The following KCNIP1 variants were observed in gnomAD, a reference collection of about 807,000 sequenced individuals.
The protein encoded by KCNIP1 is A-type potassium channel modulatory protein KCNIP1.
Under a neutral mutation model 33.0 loss-of-function variants are expected in KCNIP1, and 18 were observed. The observed-to-expected ratio is 0.55, with a 90% CI of 0.38 to 0.81. The LOEUF (loss-of-function observed/expected upper bound fraction) is 0.81, where lower values mean the gene tolerates loss of function less well. Ranked by LOEUF, KCNIP1 falls within the 30% of genes least tolerant of loss-of-function variation. KCNIP1 has a pLI of 0.00. For missense variants in KCNIP1, 238 were observed against 271.6 expected, an observed-to-expected ratio of 0.88 and a Z score of 0.87; for synonymous variants, 93 against 98.3, an observed-to-expected ratio of 0.95 and a Z score of 0.32.
intron 1 of KCNIP1, among the ~76,000 whole-genome samples, chr5:170,410,422 C>G (rs1490881864): frequency 1.3e-5 from 2 of 152,238 alleles, no homozygotes; most frequent in African/African-American, 4.8e-5. Flanking sequence ...TGCACCGGGT[C>G]CCCCACACAG....
intron 1 of KCNIP1, among the ~76,000 whole-genome samples, chr5:170,411,769 G>C (rs76019446): frequency 0.015 from 2,307 of 152,288 alleles, 35 homozygotes; most frequent in East Asian, 0.069. Flanking sequence ...TCTAGCTGGA[G>C]AGATGAAACA....
At chr5:170,588,032 AAGGACC>A (rs1758065288) in intron 1 of KCNIP1, among the ~76,000 whole-genome samples, 1 of 152,232 alleles carries the variant, frequency 6.6e-6, no homozygotes, top group Non-Finnish European at 1.5e-5. Context: ...TTCATGGGTT[AAGGACC>A]TGTTACTTTG....
chr5:170,396,071 C>T (rs1230122768), intron 1 of KCNIP1, among the ~76,000 whole-genome samples: 1 of 152,212 alleles, frequency 6.6e-6, no homozygotes, highest in African/African-American at 2.4e-5. Context: ...CACATCAGGG[C>T]TTTTGTCTTT....
At chr5:170,669,499 A>G in intron 1 of KCNIP1, 1 of 984,298 alleles carries the variant, frequency 1.0e-6, no homozygotes, top group South Asian at 4.7e-5. Context: ...CTTTCCCCAG[A>G]ACTACCTTAA....
At chr5:170,387,741 G>T (rs1764535639) in intron 1 of KCNIP1, among the ~76,000 whole-genome samples, 2 of 152,140 alleles carry the variant, frequency 1.3e-5, no homozygotes, top group Non-Finnish European at 2.9e-5. Context: ...TTTTCTACCT[G>T]GCGTCAGTTG....
intron 1 of KCNIP1, among the ~76,000 whole-genome samples, chr5:170,687,431 C>T (rs1422798283): frequency 1.3e-5 from 2 of 152,178 alleles, no homozygotes; most frequent in Non-Finnish European, 1.5e-5. Context: ...CCACGCACTT[C>T]GGCCTCCCAA....
At chr5:170,728,855 A>T (rs1196039640) in intron 5 of KCNIP1, among the ~76,000 whole-genome samples, 1 of 152,130 alleles carries the variant, frequency 6.6e-6, no homozygotes, top group Admixed American at 6.5e-5. Context: ...ATAATTTTCA[A>T]AAAGAAGAAA....
At chr5:170,395,264 T>C (rs1322380165) in intron 1 of KCNIP1, among the ~76,000 whole-genome samples, 1 of 152,224 alleles carries the variant, frequency 6.6e-6, no homozygotes, top group Non-Finnish European at 1.5e-5. Context: ...GCATCTGTTA[T>C]TTTTTTACTT....
chr5:170,631,095 G>A (rs1468773023), intron 1 of KCNIP1, among the ~76,000 whole-genome samples: 3 of 152,156 alleles, frequency 2.0e-5, no homozygotes, highest in African/African-American at 7.2e-5. Flanking sequence ...CTGAGCTTCT[G>A]TTCCCTCCTC....
At chr5:170,439,162 C>T (rs1755931694) in intron 1 of KCNIP1, among the ~76,000 whole-genome samples, 1 of 152,166 alleles carries the variant, frequency 6.6e-6, no homozygotes, top group Non-Finnish European at 1.5e-5. Context: ...GGAATAAGGG[C>T]TTCTATACCC....
intron 1 of KCNIP1, among the ~76,000 whole-genome samples, chr5:170,368,882 G>T (rs1763772692): frequency 6.6e-6 from 1 of 152,186 alleles, no homozygotes; most frequent in South Asian, 2.1e-4. Flanking sequence ...GTCCCCACAT[G>T]TTTCCAAACC....
intron 1 of KCNIP1, among the ~76,000 whole-genome samples, chr5:170,488,613 G>A (rs541850100): frequency 7.9e-5 from 12 of 152,324 alleles, no homozygotes; most frequent in South Asian, 4.1e-4. Context: ...TCCCAGCAGC[G>A]GGTGTTCAGA....
chr5:170,506,247 C>T (rs1424022360), intron 1 of KCNIP1, among the ~76,000 whole-genome samples: 1 of 152,134 alleles, frequency 6.6e-6, no homozygotes, highest in Non-Finnish European at 1.5e-5. Flanking sequence ...AGCTCCATCA[C>T]TCCCTGCCTC....
Position 170,491,119 on chromosome 5 carries a change from C to T in KCNIP1, c.88+137155C>T, listed in dbSNP as rs568816508. On this transcript the variant is annotated intron_variant, in intron 1 of 7. Transcript: ENST00000377360. ...ATGATCTGATTCGTTTGTTTGCTTACCTATCACTGTCAGTCCGGACCTCCC... is the reference window on the plus strand; with the variant it reads ...ATGATCTGATTCGTTTGTTTGCTTATCTATCACTGTCAGTCCGGACCTCCC... 9.2e-5 allele frequency among the ~76,000 whole-genome samples: 14 copies of T among 152,268 alleles called. 1 individual carries two copies. The South Asian group carries it at 2.3e-3, about 25-fold the overall frequency.
intron 1 of KCNIP1, among the ~76,000 whole-genome samples, chr5:170,588,782 G>A (rs754897560): frequency 1.3e-4 from 20 of 152,178 alleles, no homozygotes; most frequent in Non-Finnish European, 2.2e-4. Context: ...GCCAAGGTCA[G>A]TGAGGGGGGA....
At chr5:170,582,559 G>T (rs900482512) in intron 1 of KCNIP1, among the ~76,000 whole-genome samples, 15 of 152,202 alleles carry the variant, frequency 9.9e-5, no homozygotes, top group Admixed American at 9.8e-4. Flanking sequence ...TAAATGTGCT[G>T]CTAGAGAGCA....
intron 1 of KCNIP1, among the ~76,000 whole-genome samples, chr5:170,586,255 C>T (rs890810249): frequency 6.6e-6 from 1 of 152,170 alleles, no homozygotes; most frequent in Non-Finnish European, 1.5e-5. Flanking sequence ...GCATGACTGG[C>T]CTCTGCAATT....
rs910075110 is a variant in KCNIP1 at position 170,504,717 on chromosome 5, A to T, written c.61+84A>T. On this transcript the variant is annotated intron_variant, in intron 1 of 7. Coordinates refer to ENST00000328939, the MANE Select transcript of KCNIP1 (RefSeq NM_014592.4). This position sits in a 1 kb window ranked among gnomAD's most constrained non-coding sequence, Gnocchi z 6.0. The stretch of plus-strand genomic sequence containing the variant: ...GTGGGCTGTGCCACCTGCCTCCCTT[A>T]GTCCGGACTCTCCTCTCCACGAGGA... 1.8e-5 allele frequency: 20 copies of T among 1,123,768 alleles called. No individual in the cohort carries two copies. Among genetic ancestry groups the T allele is most frequent in the Non-Finnish European group, 2.6e-5 (19 of 737,518 alleles). 69.6% of individuals were successfully genotyped at this position (1,123,768 alleles called of 1,614,324 possible). A position where few individuals can be genotyped will look rare whatever the true frequency, so the allele number is the denominator to read the frequency against.
intron 1 of KCNIP1, among the ~76,000 whole-genome samples, chr5:170,403,898 C>T (rs893094507): frequency 1.1e-4 from 17 of 152,128 alleles, no homozygotes; most frequent in African/African-American, 4.1e-4. Flanking sequence ...GCACTGCATA[C>T]CAGAGGGATT....
Sources: gnomAD v4.1 joint callset for allele counts (sites outside exome capture counted in the v4.1 genomes callset) on GRCh38, gnomAD v4.1.1 for gene constraint, Gnocchi (gnomAD v3.1) non-coding constraint, MANE v1.5 for transcripts, NCBI Gene and HGNC (gene_info 2026-07-23, HGNC 2026-07-21) for gene names.